The following SLK variants were observed in gnomAD, a reference collection of about 807,000 sequenced individuals.
SLK encodes STE20-like serine/threonine-protein kinase.
Under a neutral mutation model 147.7 loss-of-function variants are expected in SLK, and 67 were observed. The ratio of observed to expected loss-of-function variants is 0.45; its 90% confidence interval spans 0.37 to 0.56. The LOEUF is 0.56. Among genes scored for constraint, SLK ranks in the 20% least tolerant of loss-of-function variants. The probability of loss-of-function intolerance (pLI) is 0.00; values close to 1 mark genes in which losing one functional copy is unlikely to be tolerated. For missense variants in SLK, 1,136 were observed against 1,438.8 expected, an observed-to-expected ratio of 0.79 and a Z score of 3.41; for synonymous variants, 441 against 475.0, an observed-to-expected ratio of 0.93 and a Z score of 0.93.
At chr10:104,005,525 T>G (rs1844313186) in intron 9 of SLK, 36 bp from the exon 10 acceptor site, 1 of 1,573,956 alleles carries the variant, frequency 6.4e-7, no homozygotes, top group Admixed American at 2.0e-5. Flanking sequence ...CCAGTATTCC[T>G]TGTACAAAGC....
intron 1 of SLK, among the ~76,000 whole-genome samples, chr10:103,981,047 T>C (rs746172420): frequency 3.3e-5 from 5 of 152,172 alleles, no homozygotes; most frequent in Non-Finnish European, 7.4e-5. Context: ...GTGGTACTTA[T>C]ATAGTTTTGA....
intron 1 of SLK, among the ~76,000 whole-genome samples, chr10:103,984,403 C>A (rs1285720331): frequency 6.6e-6 from 1 of 152,020 alleles, no homozygotes; most frequent in Non-Finnish European, 1.5e-5. Context: ...CTCTCATACC[C>A]CATTTCCTCA....
Position 104,020,404 on chromosome 10 carries a change from T to A in SLK, c.3322-84T>A. 3.0e-6 allele frequency: 4 copies of A among 1,348,784 alleles called. No individual in the cohort carries two copies. In the South Asian group the frequency reaches 5.9e-5, roughly 20 times the overall value. 83.6% of individuals were successfully genotyped at this position (1,348,784 alleles called of 1,614,324 possible). On this transcript the variant is annotated intron_variant, in intron 16 of 18. Transcript: ENST00000369755. ...TGTAGCTTCAGTTTATTGTGCCTTG[T>A]TTTGTTAAATTCCTTTATATCTTCA...
intron 1 of SLK, among the ~76,000 whole-genome samples, chr10:103,985,961 T>C (rs916756231): frequency 2.0e-5 from 3 of 152,210 alleles, no homozygotes; most frequent in African/African-American, 7.2e-5. Flanking sequence ...TGATGATTCA[T>C]GAAAATAAAA....
At chr10:103,981,408 T>C (rs1051954005) in intron 1 of SLK, among the ~76,000 whole-genome samples, 2 of 152,168 alleles carry the variant, frequency 1.3e-5, no homozygotes, top group Non-Finnish European at 2.9e-5. Context: ...TATCTCAGAA[T>C]TCATTGTCAA....
chr10:104,020,798 A>G (rs1319748682), intron 17 of SLK, among the ~76,000 whole-genome samples, 185 bp downstream of exon 17: 2 of 152,080 alleles, frequency 1.3e-5, no homozygotes, highest in Non-Finnish European at 2.9e-5. Context: ...TGTGTAGATT[A>G]TATATAACCA....
At chr10:103,985,382 A>G (rs1399444374) in intron 1 of SLK, among the ~76,000 whole-genome samples, 1 of 152,092 alleles carries the variant, frequency 6.6e-6, no homozygotes, top group African/African-American at 2.4e-5. Flanking sequence ...GTGGATGTTC[A>G]TGAACATTTT....
chr10:103,967,170 A>G lies in SLK; in HGVS notation c.-576A>G, dbSNP rs1843722516. 1 of 151,212 alleles carries G rather than the reference A, an allele frequency of 6.6e-6. No homozygotes were observed. The highest frequency in any genetic ancestry group is 2.4e-5 in the African/African-American group (1 of 41,266). 9.4% of individuals were successfully genotyped at this position (151,212 alleles called of 1,614,324 possible). On this transcript the variant is annotated 5_prime_UTR_variant, in exon 1 of 19. Transcript: ENST00000369755. Reference sequence around the variant, plus strand: ...CGGCGTCGGCGCGCGCTCCAGGCCGAGGCTGTGTGGGCTGGGGAGGGAGAC... The same window carrying G: ...CGGCGTCGGCGCGCGCTCCAGGCCGGGGCTGTGTGGGCTGGGGAGGGAGAC...
rs1029900024 is a variant in SLK, at chr10:103,999,183, G to A, written c.652G>A (p.Val218Ile). ...CAGACCCTATGACTACAAAGCTGAT[G>A]TTTGGTCCCTGGGTATCACTTTAAT... Reference protein sequence around the residue: ...KDRPYDYKADVWSLGITLIEM... With the variant: ...KDRPYDYKADIWSLGITLIEM... Residue 218 changes from valine (V) to isoleucine (I), a missense_variant, in exon 6 of 19, where the codon GTT (valine) becomes ATT (isoleucine). Val to Ile is a conservative substitution (Grantham distance 29, BLOSUM62 3). Coordinates refer to ENST00000369755, the MANE Select transcript of SLK (RefSeq NM_014720.4). 2 of 1,613,780 alleles carry A rather than the reference G, an allele frequency of 1.2e-6. No individual in the cohort carries two copies. Among genetic ancestry groups the A allele is most frequent in the Non-Finnish European group, 8.5e-7 (1 of 1,179,748 alleles).
At chr10:103,997,899 C>T (rs1313815109) in intron 4 of SLK, among the ~76,000 whole-genome samples, 3 of 151,964 alleles carry the variant, frequency 2.0e-5, no homozygotes, top group Non-Finnish European at 2.9e-5. Context: ...TAGGGACATA[C>T]TTGTGTAAAA....
chr10:104,003,162 C>A lies in SLK; in HGVS notation c.1984C>A (p.Gln662Lys). ...EVRSVVADTD[Q>K]KALGSEVQDA... ...CAGAAGTGTGGTGGCTGATACTGAC[C>A]AAAAGGCTTTAGGAAGTGAAGTTCA... Residue 662 changes from glutamine to lysine, a missense_variant, in exon 9 of 19, where the codon CAA becomes AAA. Around this residue, in one of 6 missense-constraint regions of SLK, gnomAD observed 516 missense variants for 531.3 expected, o/e 0.97. Coordinates refer to ENST00000369755, the MANE Select transcript of SLK (RefSeq NM_014720.4). The A allele has an allele frequency of 6.2e-7, 1 of 1,613,926 alleles. No individual in the cohort carries two copies. The highest frequency in any genetic ancestry group is 8.5e-7 in the Non-Finnish European group (1 of 1,179,960).
chr10:103,978,815 A>G (rs888092233), intron 1 of SLK, among the ~76,000 whole-genome samples: 1 of 152,166 alleles, frequency 6.6e-6, no homozygotes, highest in Non-Finnish European at 1.5e-5. Context: ...ATTTCTTCCT[A>G]TAAATCAATG....
rs1289511972 is a variant in SLK at position 104,002,752 on chromosome 10, A to G, written c.1574A>G (p.Glu525Gly). The G allele has an allele frequency of 6.2e-7, 1 of 1,613,912 alleles. No homozygotes were observed. Among genetic ancestry groups the G allele is most frequent in the African/African-American group, 1.3e-5 (1 of 74,930 alleles). ...GATAGTGAAGTTGGGCTTACAAAGG[A>G]AGACACCCAAGAGAAATTGGGGGAA... is the stretch of plus-strand genomic sequence containing the variant. ...AVDSEVGLTKEDTQEKLGEDD... is the reference protein window; with the variant it reads ...AVDSEVGLTKGDTQEKLGEDD... Residue 525 changes from glutamate (E) to glycine (G), a missense_variant, in exon 9 of 19, where the codon GAA (glutamate) becomes GGA (glycine). By Grantham distance (98) the Glu-to-Gly change is moderately conservative. Coordinates refer to ENST00000369755, the MANE Select transcript of SLK (RefSeq NM_014720.4).
intron 14 of SLK, 63 bp downstream of exon 14, chr10:104,018,352 A>T (rs541947521): frequency 6.9e-7 from 1 of 1,441,262 alleles, no homozygotes; most frequent in Non-Finnish European, 9.5e-7. Flanking sequence ...GTAGAAGTGA[A>T]TGTAAACATA....
chr10:103,967,916 A>G (rs1433309098), intron 1 of SLK, 21 bp downstream of exon 1: 12 of 1,611,632 alleles, frequency 7.4e-6, no homozygotes, highest in Non-Finnish European at 9.3e-6. Context: ...GAAAACGGGA[A>G]GTTGTACTGC....
At position 103,992,141 on chromosome 10, in the gene SLK, G is replaced by GTTTTTTTTTTTTTTTT. The variant is rs56381345; in HGVS notation, c.316-454_316-439dup. 4.0e-4 allele frequency among the ~76,000 whole-genome samples: 37 copies of GTTTTTTTTTTTTTTTT among 91,800 alleles called. 3 individuals are homozygous for GTTTTTTTTTTTTTTTT. The highest frequency in any genetic ancestry group is 6.4e-4 in the African/African-American group (16 of 24,912). 60.2% of individuals were successfully genotyped at this position (91,800 alleles called of 152,430 possible). A position where few individuals can be genotyped will look rare whatever the true frequency, so the allele number is the denominator to read the frequency against. On this transcript the variant is annotated intron_variant, in intron 2 of 18. Transcript: ENST00000369755. ...TGAAGCTTTTGTGGGTATTTCTTCT[G>GTTTTTTTTTTTTTTTT]TTTTTTTTTTTTTTTTTTCTAAAAG...
At position 104,018,843 on chromosome 10, in the gene SLK, C is replaced by T; in HGVS notation, c.3067C>T (p.Leu1023Phe). The T allele has an allele frequency of 6.2e-7, 1 of 1,613,204 alleles. No individual in the cohort carries two copies. Among genetic ancestry groups the T allele is most frequent in the Non-Finnish European group, 8.5e-7 (1 of 1,179,718 alleles). ...ACACTTACAAGAAAAACACCAGCTG[C>T]TCAAACAGCAGCTTAAAGATCAGTA... ...ERHLQEKHQL[L>F]KQQLKDQYFM... is the part of the protein sequence containing the mutation. Residue 1023 changes from leucine to phenylalanine, a missense_variant, in exon 15 of 19, where the codon CTC becomes TTC. Physicochemically the swap from Leu to Phe is conservative, Grantham distance 22 (BLOSUM62 0). This residue lies in a region of SLK where 327 missense variants were observed against 457.5 expected (regional missense o/e 0.71). Transcript: ENST00000369755.
At chr10:103,981,188 T>TG (rs1252451301) in intron 1 of SLK, among the ~76,000 whole-genome samples, 19 of 149,178 alleles carry the variant, frequency 1.3e-4, no homozygotes, top group African/African-American at 4.7e-4. Context: ...TGTGGGTTTT[T>TG]TTTGTTGTTG....
chr10:104,008,087 C>A, intron 11 of SLK, 90 bp from the exon 12 acceptor site: 1 of 918,312 alleles, frequency 1.1e-6, no homozygotes, highest in Non-Finnish European at 1.7e-6. Context: ...AATTTAAATA[C>A]TAGTTATGTT....
Sources: gnomAD v4.1 joint callset for allele counts (sites outside exome capture counted in the v4.1 genomes callset) on GRCh38, gnomAD v4.1.1 for gene constraint, gnomAD v4.1.1 regional missense constraint, MANE v1.5 for transcripts, NCBI Gene and HGNC (gene_info 2026-07-23, HGNC 2026-07-21) for gene names.